The following TNKS variants were observed in gnomAD, a reference collection of about 807,000 sequenced individuals.
TNKS encodes tankyrase.
TNKS carries 72 observed loss-of-function variants against 135.8 expected under a neutral mutation model. The ratio of observed to expected loss-of-function variants is 0.53; its 90% CI spans 0.44 to 0.64. The LOEUF is 0.64. TNKS is among the 30% of genes least tolerant of loss of function. The pLI is 0.00. For synonymous variants in TNKS, 849 were observed against 649.3 expected, an observed-to-expected ratio of 1.31 and a Z score of -4.68; for missense variants, 1,769 against 1,674.0, an observed-to-expected ratio of 1.06 and a Z score of -0.99.
At chr8:9,707,498 A>C (rs566756799) in intron 8 of TNKS, among the ~76,000 whole-genome samples, 1 of 152,194 alleles carries the variant, frequency 6.6e-6, no homozygotes, top group African/African-American at 2.4e-5. Flanking sequence ...AGGCTGCACA[A>C]TCATATTTTT....
At chr8:9,714,455 G>A (rs1355894041) in intron 11 of TNKS, among the ~76,000 whole-genome samples, 1 of 151,882 alleles carries the variant, frequency 6.6e-6, no homozygotes, top group Non-Finnish European at 1.5e-5. Context: ...TTTCAAATGT[G>A]TATGTACTAT....
chr8:9,759,375 G>C (rs889099093), intron 20 of TNKS, among the ~76,000 whole-genome samples: 1 of 152,216 alleles, frequency 6.6e-6, no homozygotes, highest in South Asian at 2.1e-4. Context: ...TCATAAGTCT[G>C]TCTCACACGG....
chr8:9,717,273 G>C (rs6601355), intron 11 of TNKS, among the ~76,000 whole-genome samples: 125,071 of 150,710 alleles, frequency 0.83, 52,108 homozygotes, highest in Admixed American at 0.88. Context: ...TGTCAGTATT[G>C]TATTGAAAAA....
intron 1 of TNKS, among the ~76,000 whole-genome samples, chr8:9,562,096 A>T (rs1176470663): frequency 6.6e-6 from 1 of 151,962 alleles, no homozygotes; most frequent in Non-Finnish European, 1.5e-5. Flanking sequence ...GGATTACAGG[A>T]GTGACCCACC....
At chr8:9,595,296 T>C (rs1336238457) in intron 2 of TNKS, among the ~76,000 whole-genome samples, 1 of 152,012 alleles carries the variant, frequency 6.6e-6, no homozygotes, top group Non-Finnish European at 1.5e-5. Context: ...TAAACAAGTC[T>C]CAGTGTAGCA....
intron 3 of TNKS, chr8:9,658,526 G>A: frequency 2.3e-6 from 1 of 427,016 alleles, no homozygotes; most frequent in South Asian, 3.5e-5. Flanking sequence ...TTACAGACAA[G>A]CAAATGCTGA....
chr8:9,578,928 C>G (rs565833604), intron 1 of TNKS, among the ~76,000 whole-genome samples: 1 of 152,144 alleles, frequency 6.6e-6, no homozygotes, highest in Non-Finnish European at 1.5e-5. Flanking sequence ...TACCACTATA[C>G]TAAAATTAGT....
intron 20 of TNKS, among the ~76,000 whole-genome samples, chr8:9,753,119 T>A (rs1424382141): frequency 6.6e-6 from 1 of 151,936 alleles, no homozygotes; most frequent in Non-Finnish European, 1.5e-5. Context: ...AACAAATGAG[T>A]CTTTATTTTA....
At chr8:9,680,134 A>T in intron 4 of TNKS, 147 bp downstream of exon 4, 1 of 572,340 alleles carries the variant, frequency 1.7e-6, no homozygotes, top group Non-Finnish European at 3.1e-6. Flanking sequence ...TGTACTTTAT[A>T]TCATTATTGT....
intron 1 of TNKS, among the ~76,000 whole-genome samples, chr8:9,573,071 A>G (rs886583330): frequency 1.3e-5 from 2 of 151,994 alleles, no homozygotes; most frequent in African/African-American, 2.4e-5. Flanking sequence ...CATATTTTAG[A>G]TTCTAGTTTT....
intron 1 of TNKS, among the ~76,000 whole-genome samples, chr8:9,560,413 A>G (rs1797276216): frequency 6.6e-6 from 1 of 150,818 alleles, no homozygotes; most frequent in African/African-American, 2.4e-5. Context: ...GGTATCTACT[A>G]CAATACATAT....
chr8:9,767,877 AGT>A (rs1807558602), intron 25 of TNKS, among the ~76,000 whole-genome samples: 1 of 150,166 alleles, frequency 6.7e-6, no homozygotes, highest in East Asian at 2.0e-4. Flanking sequence ...GAGAATGGTG[AGT>A]ACCCAGGAGG....
intron 5 of TNKS, among the ~76,000 whole-genome samples, chr8:9,700,355 C>T (rs1202138485): frequency 1.3e-5 from 2 of 152,236 alleles, no homozygotes; most frequent in East Asian, 1.9e-4. Context: ...ATACTGATTT[C>T]GCTTTCCTTG....
intron 5 of TNKS, among the ~76,000 whole-genome samples, chr8:9,694,379 T>C (rs150844751): frequency 6.6e-5 from 10 of 152,322 alleles, no homozygotes; most frequent in Non-Finnish European, 1.0e-4. Context: ...AGGAGACAGA[T>C]ACACAAGTAA....
intron 2 of TNKS, among the ~76,000 whole-genome samples, chr8:9,582,298 A>T (rs1043717399): frequency 3.3e-5 from 5 of 152,158 alleles, no homozygotes; most frequent in African/African-American, 1.2e-4. Context: ...TGGATAAAAA[A>T]AGTGGGAAGC....
In TNKS at chr8:9,639,519, C is replaced by CTT. The variant is rs34044932; in HGVS notation, c.994+23853_994+23854dup. ...ACTATATAATCTTGTTTATCTAAGC[C>CTT]TTTTTTTTTTTTGGCTTTCTGGTTT... is the stretch of plus-strand genomic sequence containing the variant. On this transcript the variant is annotated intron_variant, in intron 3 of 26. Transcript: ENST00000310430. Among the ~76,000 whole-genome samples the CTT allele has an allele frequency of 3.6e-4, 51 of 140,236 alleles. 1 individual carries two copies. The highest frequency in any genetic ancestry group is 4.7e-4 in the African/African-American group (18 of 38,422). The allele number at this position is 140,236 out of a possible 152,430, so 92.0% of individuals were successfully genotyped here.
intron 1 of TNKS, among the ~76,000 whole-genome samples, chr8:9,564,999 C>T (rs780133203): frequency 6.7e-6 from 1 of 148,444 alleles, no homozygotes; most frequent in Non-Finnish European, 1.5e-5. Context: ...CAGGATAACC[C>T]CGGGGCTCAT....
chr8:9,573,424 G>T (rs1258153591), intron 1 of TNKS, among the ~76,000 whole-genome samples: 3 of 152,188 alleles, frequency 2.0e-5, no homozygotes, highest in Non-Finnish European at 4.4e-5. Flanking sequence ...TGAACATTTG[G>T]CTGCCTTTAG....
chr8:9,572,184 T>C (rs181513071), intron 1 of TNKS, among the ~76,000 whole-genome samples: 1 of 152,320 alleles, frequency 6.6e-6, no homozygotes, highest in East Asian at 1.9e-4. Flanking sequence ...TTAGAGATTT[T>C]GCATATCTGA....
Sources: gnomAD v4.1 joint callset for allele counts (sites outside exome capture counted in the v4.1 genomes callset) on GRCh38, gnomAD v4.1.1 for gene constraint, MANE v1.5 for transcripts, NCBI Gene and HGNC (gene_info 2026-07-23, HGNC 2026-07-21) for gene names.